Variants in PEAK1 observed in about 807,000 individuals in gnomAD.
PEAK1 encodes inactive tyrosine-protein kinase PEAK1.
Under a neutral mutation model 124.7 loss-of-function variants are expected in PEAK1, and 54 were observed. The ratio of observed to expected loss-of-function variants is 0.43; its 90% CI spans 0.35 to 0.54. PEAK1 has a LOEUF of 0.54. PEAK1 is among the 20% of genes least tolerant of loss of function. The probability of loss-of-function intolerance (pLI) is 0.01; values close to 1 mark genes in which losing one functional copy is unlikely to be tolerated. For synonymous variants in PEAK1, 719 were observed against 760.0 expected (o/e 0.95, Z 0.89); for missense variants, 2,046 against 2,134.5 (o/e 0.96, Z 0.82).
chr15:77,154,221 T>G (rs1383867126), intron 8 of PEAK1, among the ~76,000 whole-genome samples: 1 of 152,248 alleles, frequency 6.6e-6, no homozygotes. Flanking sequence ...TTTCAATTGA[T>G]CCCTTTACCA....
chr15:77,189,083 C>G (rs2057696935), intron 6 of PEAK1, among the ~76,000 whole-genome samples: 1 of 152,098 alleles, frequency 6.6e-6, no homozygotes, highest in African/African-American at 2.4e-5. Context: ...CGCCTGTAGT[C>G]CCAGCTACTC....
intron 7 of PEAK1, among the ~76,000 whole-genome samples, chr15:77,175,580 G>A (rs1395880787): frequency 1.3e-5 from 2 of 152,048 alleles, no homozygotes; most frequent in South Asian, 2.1e-4. Context: ...TTAGAATGGT[G>A]ATCATTAAAA....
chr15:77,383,018 CCTTT>C lies in PEAK1; in HGVS notation c.-665-17797_-665-17794del, dbSNP rs1243980724. On this transcript the variant is annotated intron_variant, in intron 1 of 9. Coordinates refer to ENST00000682557, the MANE Select transcript of PEAK1 (RefSeq NM_001385026.1). ...TGAAATATGAAATCAGTTTGTATCT[CCTTT>C]TTTTTTTTTTTTTTTTTTGACACGA... Among the ~76,000 whole-genome samples the C allele has an allele frequency of 2.7e-5, 4 of 145,796 alleles. No homozygotes were observed. In the East Asian group the frequency reaches 5.9e-4, roughly 21 times the overall value.
intron 6 of PEAK1, among the ~76,000 whole-genome samples, chr15:77,189,618 G>A (rs576309899): frequency 6.6e-6 from 1 of 152,304 alleles, no homozygotes; most frequent in East Asian, 1.9e-4. Context: ...CTAGTAGGCT[G>A]TCTCAAAGTT....
chr15:77,241,073 C>G (rs1181153241), intron 6 of PEAK1, among the ~76,000 whole-genome samples: 2 of 152,110 alleles, frequency 1.3e-5, no homozygotes, highest in African/African-American at 4.8e-5. Flanking sequence ...ACACCAATAT[C>G]TCTCATAAAC....
At chr15:77,106,987 A>T (rs2050761066), downstream of PEAK1, 1 of 152,162 alleles carries the variant, frequency 6.6e-6, no homozygotes, top group Admixed American at 6.5e-5. Context: ...TATTTAATTT[A>T]ATCACTCAGT....
chr15:77,305,343 A>G (rs1204339389), intron 2 of PEAK1, among the ~76,000 whole-genome samples: 3 of 152,342 alleles, frequency 2.0e-5, no homozygotes, highest in African/African-American at 7.2e-5. Context: ...CAACAAGGAA[A>G]CAAAAGAGCA....
At chr15:77,158,400 G>T in intron 8 of PEAK1, 103 bp downstream of exon 8, 1 of 1,093,768 alleles carries the variant, frequency 9.1e-7, no homozygotes, top group Non-Finnish European at 1.3e-6. Context: ...TCCAAATTCT[G>T]CTTCATGGAG....
rs143957491 is a variant in PEAK1 at position 77,163,641 on chromosome 15, T to C, written c.3138-4945A>G. 5.6e-4 allele frequency among the ~76,000 whole-genome samples: 85 copies of C among 152,348 alleles called. No individual in the cohort carries two copies. In the East Asian group the frequency reaches 0.014, roughly 25 times the overall value. On this transcript the variant is annotated intron_variant, in intron 7 of 9. Coordinates refer to ENST00000682557, the MANE Select transcript of PEAK1 (RefSeq NM_001385026.1). ...CCACATTAGAACAGGATAAGGCCTT[T>C]AAATATCCAAGTATTTCCACAATTT...
chr15:77,178,849 C>T lies in PEAK1; in HGVS notation c.3078G>A (p.Gln1026=). The T allele has an allele frequency of 6.2e-7, 1 of 1,614,066 alleles. No individual in the cohort carries two copies. The highest frequency in any genetic ancestry group is 8.5e-7 in the Non-Finnish European group (1 of 1,179,998). ...EKGRAENALL[Q]DSEKKRSHSS... ...AATGACTCCTCTTCTTCTCTGAGTC[C>T]TGTAGTAATGCATTCTCTGCTCTAC... The change falls in exon 7 of 10, where the codon CAG becomes CAA. Residue 1026 remains glutamine, a synonymous_variant. Coordinates refer to ENST00000682557, the MANE Select transcript of PEAK1 (RefSeq NM_001385026.1).
At chr15:77,129,397 G>A (rs888826437) in intron 9 of PEAK1, among the ~76,000 whole-genome samples, 9 of 151,998 alleles carry the variant, frequency 5.9e-5, no homozygotes, top group African/African-American at 1.2e-4. Flanking sequence ...ATTTAAGGAT[G>A]AGGGGTGATA....
chr15:77,402,335 A>G, intron 1 of PEAK1: 1 of 985,386 alleles, frequency 1.0e-6, no homozygotes, highest in Non-Finnish European at 1.2e-6. Flanking sequence ...TCAAGGGAAT[A>G]AATCAAGGGA....
chr15:77,273,322 A>C (rs985530614), intron 5 of PEAK1, among the ~76,000 whole-genome samples: 7 of 152,216 alleles, frequency 4.6e-5, no homozygotes, highest in African/African-American at 1.4e-4. Context: ...GAGGAAGTCA[A>C]ACTGTCACTG....
At chr15:77,347,911 TA>T in intron 2 of PEAK1, 1 of 984,888 alleles carries the variant, frequency 1.0e-6, no homozygotes, top group Non-Finnish European at 1.2e-6. Flanking sequence ...TAGCTCACCT[TA>T]ATTGAAGGAT....
intron 1 of PEAK1, among the ~76,000 whole-genome samples, chr15:77,412,792 A>T (rs1392906683): frequency 6.6e-6 from 1 of 152,164 alleles, no homozygotes; most frequent in Non-Finnish European, 1.5e-5. Context: ...AGGAAAAAAA[A>T]ACAAGATGAA....
At chr15:77,262,270 A>G (rs995441396) in intron 5 of PEAK1, among the ~76,000 whole-genome samples, 2 of 152,150 alleles carry the variant, frequency 1.3e-5, no homozygotes, top group African/African-American at 4.8e-5. Flanking sequence ...TATTAACTTT[A>G]AATGTAAATG....
chr15:77,378,202 A>ATATATATG (rs1449711797), intron 1 of PEAK1, among the ~76,000 whole-genome samples: 2 of 131,396 alleles, frequency 1.5e-5, no homozygotes, highest in Non-Finnish European at 1.7e-5. Context: ...ATATATATAT[A>ATATATATG]TATATACATA....
chr15:77,106,270 C>T (rs897551361), downstream of PEAK1: 2 of 152,176 alleles, frequency 1.3e-5, no homozygotes, highest in Non-Finnish European at 2.9e-5. Flanking sequence ...ATTGCCAGAT[C>T]AACTCAAAAT....
intron 2 of PEAK1, among the ~76,000 whole-genome samples, chr15:77,297,346 T>G (rs576890955): frequency 6.6e-6 from 1 of 151,462 alleles, no homozygotes; most frequent in Admixed American, 6.5e-5. Context: ...AAAAAATGAA[T>G]CTTCTTATAA....
Sources: allele counts gnomAD v4.1 joint callset (sites outside exome capture counted in the v4.1 genomes callset), GRCh38; gene constraint gnomAD v4.1.1; transcripts MANE v1.5; gene names NCBI Gene and HGNC (gene_info 2026-07-23, HGNC 2026-07-21).